The following FIBCD1 variants were observed in gnomAD, a reference collection of about 807,000 sequenced individuals.
FIBCD1 encodes the protein fibrinogen C domain-containing protein 1.
FIBCD1 carries 47 observed loss-of-function variants against 45.1 expected under a neutral mutation model. That is an observed-to-expected ratio of 1.04 (90% confidence interval 0.82 to 1.33). The LOEUF is 1.33. Among genes scored for constraint, FIBCD1 ranks in the 40% most tolerant of loss-of-function variants. The pLI is 0.00. For synonymous variants in FIBCD1, 313 were observed against 308.1 expected, an observed-to-expected ratio of 1.02 and a Z score of -0.17; for missense variants, 653 against 682.2, an observed-to-expected ratio of 0.96 and a Z score of 0.48.
chr9:130,913,322 T>C (rs975571735), intron 4 of FIBCD1, among the ~76,000 whole-genome samples: 2 of 152,102 alleles, frequency 1.3e-5, no homozygotes, highest in Admixed American at 6.5e-5. Flanking sequence ...CCTCCATCTG[T>C]GTCAGAGTCT....
rs1428283258 is a variant in FIBCD1 at position 130,903,273 on chromosome 9, AGCCCCAGCT to A, written c.*782_*790del. On this transcript the variant is annotated 3_prime_UTR_variant, in exon 7 of 7. Transcript: ENST00000372338. ...CCAGAGGCAGGAGAAATGGGATGGC[AGCCCCAGCT>A]GCCCCAGGTAGGAGGACGGCCGGGA... 6.5e-6 allele frequency: 1 copy of A among 153,460 alleles called. No individual in the cohort carries two copies. Among genetic ancestry groups the A allele is most frequent in the African/African-American group, 2.4e-5 (1 of 41,466 alleles). 9.5% of individuals were successfully genotyped at this position (153,460 alleles called of 1,614,324 possible). A position where few individuals can be genotyped will look rare whatever the true frequency, so the allele number is the denominator to read the frequency against.
rs1300112217 is a variant in FIBCD1, at chr9:130,929,803, C to G, written c.316G>C (p.Ala106Pro). 17 of 1,551,676 alleles carry G rather than the reference C, an allele frequency of 1.1e-5. No individual in the cohort carries two copies. The highest frequency in any genetic ancestry group is 1.3e-5 in the Non-Finnish European group (15 of 1,147,690). ...GAGGCCTGGGCGCTCTCCAGGCGTG[C>G]GAAGCTGTCGGTGAGGTCGGGGCAG... Reference protein sequence around the residue: ...PRCPDLTDSFARLESAQASVL... With the variant: ...PRCPDLTDSFPRLESAQASVL... The change falls in exon 2 of 7, where the codon GCA (alanine) becomes CCA (proline). Residue 106 changes from alanine to proline, a missense_variant. Physicochemically the swap from Ala to Pro is conservative, Grantham distance 27 (BLOSUM62 -1). Transcript: ENST00000372338.
At chr9:130,924,098 G>A (rs1450027503) in intron 3 of FIBCD1, 139 bp downstream of exon 3, 11 of 1,297,152 alleles carry the variant, frequency 8.5e-6, no homozygotes, top group African/African-American at 1.5e-5. Context: ...AGAATGGACC[G>A]AGAGGGCTTC....
At chr9:130,918,368 A>T (rs1433353240) in intron 4 of FIBCD1, among the ~76,000 whole-genome samples, 1 of 152,064 alleles carries the variant, frequency 6.6e-6, no homozygotes, top group Non-Finnish European at 1.5e-5. Flanking sequence ...AAACCCAAGG[A>T]ATGGGGGGTG....
intron 5 of FIBCD1, among the ~76,000 whole-genome samples, chr9:130,911,554 C>A (rs10454366): frequency 0.2 from 31,003 of 152,210 alleles, 3,740 homozygotes; most frequent in East Asian, 0.52. Flanking sequence ...GCATGTGGGA[C>A]CCTCAGCCTT....
chr9:130,936,856 G>T (rs1379434802), intron 1 of FIBCD1, among the ~76,000 whole-genome samples: 2 of 152,210 alleles, frequency 1.3e-5, no homozygotes, highest in African/African-American at 2.4e-5. Flanking sequence ...AGTGGCACAG[G>T]CTAAACACTA....
rs779812020 is a variant in FIBCD1 at position 130,923,832 on chromosome 9, T to C, written c.761A>G (p.Asp254Gly). ...CLDVLLSGQQ[D>G]DGVYSVFPTH... The stretch of plus-strand genomic sequence containing the variant: ...GGGAAAGACAGAGTAGACGCCATCG[T>C]CCTGCTGTCCGCTTAGGAGGACGTC... The change falls in exon 4 of 7, where the codon GAC (aspartate) becomes GGC (glycine). Residue 254 changes from aspartate to glycine, a missense_variant. Physicochemically the swap from Asp to Gly is moderately conservative, Grantham distance 94. Coordinates refer to ENST00000372338, the MANE Select transcript of FIBCD1 (RefSeq NM_032843.5). 1.2e-6 allele frequency: 2 copies of C among 1,612,816 alleles called. No homozygotes were observed. Among genetic ancestry groups the C allele is most frequent in the Non-Finnish European group, 1.7e-6 (2 of 1,179,976 alleles).
At position 130,929,588 on chromosome 9, in the gene FIBCD1, ACT is replaced by A. The variant is rs1160889494; in HGVS notation, c.529_530del (p.Ser177Ter). Reference sequence around the variant, plus strand: ...CTACCTGGATGAGGCGGCCCTGCTCACTCTGCAGGGCGCTGAGGCCCTGGCCC... The same window carrying A: ...CTACCTGGATGAGGCGGCCCTGCTCACTGCAGGGCGCTGAGGCCCTGGCCC... ...TLGQGLSALQ[S>X]EQGRLIQLLS... is the part of the protein sequence containing the mutation. On this transcript the variant is annotated frameshift_variant, in exon 2 of 7. Coordinates refer to ENST00000372338, the MANE Select transcript of FIBCD1 (RefSeq NM_032843.5). LOFTEE classifies it high-confidence loss of function. 1 of 1,508,640 alleles carries A rather than the reference ACT, an allele frequency of 6.6e-7. No homozygotes were observed. Among genetic ancestry groups the A allele is most frequent in the South Asian group, 1.3e-5 (1 of 74,708 alleles). 93.5% of individuals were successfully genotyped at this position (1,508,640 alleles called of 1,614,324 possible).
Position 130,903,997 on chromosome 9 carries a change from A to C in FIBCD1, c.*67T>G, listed in dbSNP as rs763966265. On this transcript the variant is annotated 3_prime_UTR_variant, in exon 7 of 7. Transcript: ENST00000372338. ...CACAGGTGGGTGGAGAACATTCACG[A>C]AAGAGTGAGGTGGGGTCGGGGATGG... 6.4e-7 allele frequency: 1 copy of C among 1,571,250 alleles called. No individual in the cohort carries two copies. The highest frequency in any genetic ancestry group is 1.4e-5 in the African/African-American group (1 of 74,024).
At chr9:130,910,157 G>A (rs1317867705) in intron 5 of FIBCD1, among the ~76,000 whole-genome samples, 1 of 152,234 alleles carries the variant, frequency 6.6e-6, no homozygotes, top group Non-Finnish European at 1.5e-5. Flanking sequence ...TGCGTGCGGC[G>A]CTTGCGGGCC....
chr9:130,919,243 G>A (rs904943790), intron 4 of FIBCD1, among the ~76,000 whole-genome samples: 1 of 152,250 alleles, frequency 6.6e-6, no homozygotes, highest in African/African-American at 2.4e-5. Context: ...AAGGAAATGT[G>A]AGGGTGTTGT....
chr9:130,918,086 C>T (rs75144783), intron 4 of FIBCD1, among the ~76,000 whole-genome samples: 1,801 of 152,344 alleles, frequency 0.012, 29 homozygotes, highest in African/African-American at 0.04. Flanking sequence ...TAGGGCAGAG[C>T]AGCTCCCACC....
At chr9:130,909,125 C>G (rs985510905) in intron 5 of FIBCD1, among the ~76,000 whole-genome samples, 3 of 152,100 alleles carry the variant, frequency 2.0e-5, no homozygotes, top group African/African-American at 4.8e-5. Flanking sequence ...TGACCCCGCT[C>G]GCTCGCAGGG....
intron 1 of FIBCD1, among the ~76,000 whole-genome samples, chr9:130,931,026 C>T (rs1832441725): frequency 6.6e-6 from 1 of 152,164 alleles, no homozygotes; most frequent in African/African-American, 2.4e-5. Context: ...CTAGGCACCT[C>T]CTCCCCGCAC....
chr9:130,904,257 T>G lies in FIBCD1; in HGVS notation c.1193A>C (p.Glu398Ala), dbSNP rs1382355733. ...GCGGTAGAAGGCGGCACAGTTGTTC[T>G]CTGAATGGTCGCTGTCACGGTCCTT... ...TTKDRDSDHS[E>A]NNCAAFYRGA... Residue 398 changes from glutamate (E) to alanine (A), a missense_variant, in exon 7 of 7, where the codon GAG (glutamate) becomes GCG (alanine). Coordinates refer to ENST00000372338, the MANE Select transcript of FIBCD1 (RefSeq NM_032843.5). 6.2e-7 allele frequency: 1 copy of G among 1,613,666 alleles called. No homozygotes were observed. The highest frequency in any genetic ancestry group is 8.5e-7 in the Non-Finnish European group (1 of 1,179,964).
Position 130,924,410 on chromosome 9 carries a change from G to T in FIBCD1, c.553-14C>A, listed in dbSNP as rs527825208. 9 of 1,600,680 alleles carry T rather than the reference G, an allele frequency of 5.6e-6. No individual in the cohort carries two copies. Among genetic ancestry groups the T allele is most frequent in the East Asian group, 4.5e-5 (2 of 44,418 alleles). On this transcript the variant is annotated splice_polypyrimidine_tract_variant and intron_variant, in intron 2 of 6. Transcript: ENST00000372338. The stretch of plus-strand genomic sequence containing the variant: ...CTCAGAGAGAAGCTGCGGAGCACAG[G>T]GGGTGAGCCGAGGGGGCAGGGGCTC...
chr9:130,930,120 C>G, intron 1 of FIBCD1, 74 bp from the exon 2 acceptor site: 2 of 1,449,050 alleles, frequency 1.4e-6, no homozygotes, highest in Admixed American at 2.8e-5. Context: ...TAGAGGCATA[C>G]CTGGGGTCAG....
intron 4 of FIBCD1, among the ~76,000 whole-genome samples, chr9:130,920,216 C>T (rs537210069): frequency 1.3e-5 from 2 of 152,252 alleles, no homozygotes; most frequent in African/African-American, 2.4e-5. Flanking sequence ...TCATCCCACT[C>T]GGCACCTTCT....
rs1199382740 is a variant in FIBCD1, at chr9:130,938,921, C to A, written c.-314G>T. On this transcript the variant is annotated 5_prime_UTR_variant, in exon 1 of 7. Transcript: ENST00000372338. Reference sequence around the variant, plus strand: ...CTCTCCTCCCTCGTCCCTCCTCCCTCCTTCTCAATCTCCGCATCTTTTCTG... The same window carrying A: ...CTCTCCTCCCTCGTCCCTCCTCCCTACTTCTCAATCTCCGCATCTTTTCTG... 6.5e-6 allele frequency: 1 copy of A among 152,686 alleles called. No homozygotes were observed. Among genetic ancestry groups the A allele is most frequent in the African/African-American group, 2.4e-5 (1 of 41,410 alleles). The allele number at this position is 152,686 out of a possible 1,614,324, so 9.5% of individuals were successfully genotyped here.
Sources: gnomAD v4.1 joint callset for allele counts (sites outside exome capture counted in the v4.1 genomes callset) on GRCh38, gnomAD v4.1.1 for gene constraint, MANE v1.5 for transcripts, NCBI Gene and HGNC (gene_info 2026-07-23, HGNC 2026-07-21) for gene names.